CLIC5: variants seen among roughly 807,000 people sequenced by gnomAD.
CLIC5 encodes chloride intracellular channel protein 5.
Under a neutral mutation model 24.7 loss-of-function variants are expected in CLIC5, and 20 were observed. The observed-to-expected ratio is 0.81, with a 90% CI of 0.57 to 1.18. The LOEUF (loss-of-function observed/expected upper bound fraction) is 1.18, where lower values mean the gene tolerates loss of function less well. Among genes scored for constraint, CLIC5 ranks in the 50% most tolerant of loss-of-function variants. CLIC5 has a pLI of 0.00. For missense variants in CLIC5, 341 were observed against 326.1 expected (o/e 1.05, Z -0.35); for synonymous variants, 159 against 135.6 (o/e 1.17, Z -1.20).
chr6:45,922,933 C>A (rs1490979322), intron 4 of CLIC5, among the ~76,000 whole-genome samples: 1 of 151,930 alleles, frequency 6.6e-6, no homozygotes, highest in Non-Finnish European at 1.5e-5. Context: ...GGTTAGGGAA[C>A]CCGGCCCAGA....
At chr6:45,923,139 C>T (rs181905514) in intron 4 of CLIC5, among the ~76,000 whole-genome samples, 15 of 152,234 alleles carry the variant, frequency 9.9e-5, no homozygotes, top group Non-Finnish European at 2.1e-4. Context: ...TAAATGCTGA[C>T]GGAAGCTATT....
chr6:45,941,409 T>A, intron 4 of CLIC5, 138 bp downstream of exon 4: 1 of 582,158 alleles, frequency 1.7e-6, no homozygotes, highest in Non-Finnish European at 3.1e-6. Flanking sequence ...TGGCGGGGGG[T>A]GGGGGCAAAT....
chr6:45,903,293 C>T (rs979665702), intron 5 of CLIC5, 38 bp from the exon 6 acceptor site: 6 of 1,534,634 alleles, frequency 3.9e-6, no homozygotes, highest in Admixed American at 2.0e-5. Context: ...GGTGTGAAGG[C>T]ATGAAACAAA....
chr6:46,081,161 A>T (rs1762913263), upstream of CLIC5, among the ~76,000 whole-genome samples: 1 of 152,244 alleles, frequency 6.6e-6, no homozygotes, highest in African/African-American at 2.4e-5. Context: ...AGGTCTGGAT[A>T]AGCAATAAAA....
chr6:45,882,685 A>G (rs978285799), intron 6 of CLIC5, among the ~76,000 whole-genome samples: 4 of 152,228 alleles, frequency 2.6e-5, no homozygotes, highest in Non-Finnish European at 4.4e-5. Flanking sequence ...AATTGATGAT[A>G]AGAAATACTG....
chr6:46,006,371 C>G (rs975173569), intron 1 of CLIC5, among the ~76,000 whole-genome samples: 2 of 150,854 alleles, frequency 1.3e-5, no homozygotes, highest in Non-Finnish European at 3.0e-5. Flanking sequence ...GTCTCGAACT[C>G]TTGACCTCAT....
At chr6:45,990,115 T>C (rs1765881982) in intron 1 of CLIC5, among the ~76,000 whole-genome samples, 1 of 152,192 alleles carries the variant, frequency 6.6e-6, no homozygotes, top group Admixed American at 6.5e-5. Context: ...ACAGGGTTGT[T>C]AGGACAATTA....
intron 4 of CLIC5, among the ~76,000 whole-genome samples, chr6:45,925,602 G>A (rs6940409): frequency 0.3 from 46,291 of 152,070 alleles, 7,236 homozygotes; most frequent in East Asian, 0.48. Flanking sequence ...GGCATGAGCC[G>A]TCGCGCTCAG....
chr6:46,087,788 G>C, the CLIC5 span, among the ~76,000 whole-genome samples: 1 of 152,196 alleles, frequency 6.6e-6, no homozygotes, highest in African/African-American at 2.4e-5. Flanking sequence ...GGGAAAGAGA[G>C]AGTGGGCATC....
intron 1 of CLIC5, among the ~76,000 whole-genome samples, chr6:46,075,225 A>C (rs557716412): frequency 6.6e-6 from 1 of 152,184 alleles, no homozygotes; most frequent in Non-Finnish European, 1.5e-5. Flanking sequence ...AATTTAACAG[A>C]AATTAATCTG....
chr6:45,940,945 G>A (rs992719161), intron 4 of CLIC5, among the ~76,000 whole-genome samples: 1 of 152,202 alleles, frequency 6.6e-6, no homozygotes, highest in Non-Finnish European at 1.5e-5. Flanking sequence ...AGAAGGCCCC[G>A]CAAGAGAACC....
chr6:46,036,929 C>T (rs548048691), intron 1 of CLIC5, among the ~76,000 whole-genome samples: 1 of 152,298 alleles, frequency 6.6e-6, no homozygotes, highest in South Asian at 2.1e-4. Flanking sequence ...TAATTAAAGT[C>T]TCCTTAGTAT....
chr6:45,982,044 A>T (rs758628972), intron 1 of CLIC5, among the ~76,000 whole-genome samples: 2 of 151,892 alleles, frequency 1.3e-5, no homozygotes, highest in African/African-American at 4.8e-5. Context: ...ACAGTCAAGG[A>T]TGACACTGAG....
chr6:46,106,992 G>A, the CLIC5 span, among the ~76,000 whole-genome samples: 6 of 151,998 alleles, frequency 3.9e-5, no homozygotes, highest in African/African-American at 1.5e-4. Context: ...TTATATATAC[G>A]TGGGTACACA....
chr6:45,949,149 G>A (rs1160288911), intron 3 of CLIC5, 107 bp downstream of exon 3: 2 of 1,415,870 alleles, frequency 1.4e-6, no homozygotes, highest in East Asian at 2.4e-5. Context: ...TCTCTGGACT[G>A]GTGAGGTTCC....
intron 1 of CLIC5, among the ~76,000 whole-genome samples, chr6:46,064,162 A>G (rs1403658014): frequency 6.6e-6 from 1 of 152,200 alleles, no homozygotes; most frequent in Non-Finnish European, 1.5e-5. Context: ...AAATATGAAG[A>G]GAGAATTGAC....
intron 4 of CLIC5, among the ~76,000 whole-genome samples, chr6:45,916,397 C>T (rs1324815204): frequency 1.3e-5 from 2 of 152,196 alleles, no homozygotes; most frequent in East Asian, 3.9e-4. Context: ...TTATGCTTTT[C>T]TCCCTGAAGC....
At chr6:46,067,087 G>T (rs1283686366) in intron 1 of CLIC5, among the ~76,000 whole-genome samples, 1 of 152,088 alleles carries the variant, frequency 6.6e-6, no homozygotes, top group Non-Finnish European at 1.5e-5. Context: ...TACAGCAGGG[G>T]AATTGAGTAT....
the CLIC5 span, among the ~76,000 whole-genome samples, chr6:46,114,835 G>A: frequency 6.6e-6 from 1 of 152,196 alleles, no homozygotes; most frequent in Admixed American, 6.5e-5. Context: ...GAGGGCTACA[G>A]AAGCAGCTGA....
Sources: allele counts gnomAD v4.1 joint callset (sites outside exome capture counted in the v4.1 genomes callset), GRCh38; gene constraint gnomAD v4.1.1; transcripts MANE v1.5; gene names NCBI Gene and HGNC (gene_info 2026-07-23, HGNC 2026-07-21).